Variants in SLC35F4 observed in about 807,000 individuals in gnomAD.
SLC35F4 encodes the protein chromosome 14 open reading frame 36.
A neutral mutation model predicts 44.2 loss-of-function variants in SLC35F4; 24 were observed. The observed-to-expected ratio is 0.54, with a 90% confidence interval of 0.39 to 0.76. The LOEUF (loss-of-function observed/expected upper bound fraction) is 0.76, where lower values mean the gene tolerates loss of function less well. Among genes scored for constraint, SLC35F4 ranks in the 30% least tolerant of loss-of-function variants. The pLI, the probability that SLC35F4 is intolerant of heterozygous loss-of-function variation, is 0.00. For missense variants in SLC35F4, 562 were observed against 586.1 expected (o/e 0.96, Z 0.42); for synonymous variants, 238 against 223.6 (o/e 1.06, Z -0.57).
chr14:57,732,736 CTTA>C lies in SLC35F4; in HGVS notation c.103+132984_103+132986del, dbSNP rs1594909791. ...GAGTTATGGGAATGCAATAAGAAAT[CTTA>C]TTATAGTTGGAAGGAAGATCTATCC... On this transcript the variant is annotated intron_variant, in intron 1 of 7. Transcript: ENST00000556826. Among the ~76,000 whole-genome samples, 7 of 152,210 alleles carry C rather than the reference CTTA, an allele frequency of 4.6e-5. No homozygotes were observed. In the East Asian group the frequency reaches 1.4e-3, roughly 29 times the overall value.
At position 57,579,709 on chromosome 14, in the gene SLC35F4, A is replaced by G. The variant is rs567732403; in HGVS notation, c.807+1505T>C. Among the ~76,000 whole-genome samples the G allele has an allele frequency of 8.5e-5, 13 of 152,288 alleles. No homozygotes were observed. In the East Asian group the frequency reaches 2.3e-3, roughly 27 times the overall value. On this transcript the variant is annotated intron_variant, in intron 4 of 7. Transcript: ENST00000556826. ...TTACTATATCCTCAAATATCAATCG[A>G]ACCCCCACTTCGTGCCCTGTAATAT... is the stretch of plus-strand genomic sequence containing the variant.
intron 1 of SLC35F4, among the ~76,000 whole-genome samples, chr14:57,798,498 C>G (rs565435521): frequency 6.6e-6 from 1 of 152,170 alleles, no homozygotes; most frequent in African/African-American, 2.4e-5. Flanking sequence ...AAAATCTAAA[C>G]AATTCTGAAA....
At chr14:57,567,935 TGTG>T (rs1459067739) in intron 6 of SLC35F4, among the ~76,000 whole-genome samples, 5 of 152,198 alleles carry the variant, frequency 3.3e-5, no homozygotes, top group Non-Finnish European at 5.9e-5. Context: ...CTACAGGAGA[TGTG>T]GGGTAGTTCA....
chr14:57,607,554 C>T (rs1745694), intron 1 of SLC35F4, among the ~76,000 whole-genome samples: 104,422 of 152,072 alleles, frequency 0.69, 36,509 homozygotes, highest in Non-Finnish European at 0.75. Flanking sequence ...GAAGCCTCTT[C>T]CTCACTTACC....
At chr14:57,979,614 C>T (rs1044257681) in intron 1 of SLC35F4, among the ~76,000 whole-genome samples, 17 of 152,138 alleles carry the variant, frequency 1.1e-4, no homozygotes, top group South Asian at 4.1e-4. Flanking sequence ...GAACTTAATG[C>T]CCACGTAGCT....
chr14:57,727,516 A>T (rs143506072), intron 1 of SLC35F4, among the ~76,000 whole-genome samples: 2,010 of 150,600 alleles, frequency 0.013, 24 homozygotes, highest in South Asian at 0.059. Flanking sequence ...CTTTTTTAAC[A>T]TAGGCACTTA....
At chr14:57,953,368 C>A (rs1231667994) in intron 1 of SLC35F4, among the ~76,000 whole-genome samples, 2 of 152,158 alleles carry the variant, frequency 1.3e-5, no homozygotes, top group African/African-American at 4.8e-5. Context: ...GAAGAAACTG[C>A]ATCAACTAAT....
In SLC35F4 at chr14:57,958,059, A is replaced by ATT. The variant is rs528357443; in HGVS notation, n.282+23852_282+23853dup. ...CAGTATAACATATTAATTAGATGAA[A>ATT]TTTTTTTTTTTTTTGAGATGGAGTC... On this transcript the variant is annotated intron_variant and non_coding_transcript_variant, in intron 1 of 1. Coordinates refer to the SLC35F4 transcript ENST00000556568. 7.7e-4 allele frequency among the ~76,000 whole-genome samples: 113 copies of ATT among 146,028 alleles called. No homozygotes were observed. In the East Asian group the frequency reaches 9.4e-3, roughly 12 times the overall value.
chr14:57,759,980 C>A (rs905635753), intron 1 of SLC35F4, among the ~76,000 whole-genome samples: 5 of 146,416 alleles, frequency 3.4e-5, no homozygotes, highest in African/African-American at 1.3e-4. Context: ...CAGTTCTTTT[C>A]ATTTCTTTTT....
At chr14:57,842,805 G>A (rs1885613478) in intron 1 of SLC35F4, among the ~76,000 whole-genome samples, 1 of 152,192 alleles carries the variant, frequency 6.6e-6, no homozygotes, top group South Asian at 2.1e-4. Flanking sequence ...GTGTCTGTGA[G>A]GGTGTTGCCA....
chr14:57,611,607 A>G lies in SLC35F4; in HGVS notation c.104-17483T>C, dbSNP rs148744580. On this transcript the variant is annotated intron_variant, in intron 1 of 7. Coordinates refer to ENST00000556826, the MANE Select transcript of SLC35F4 (RefSeq NM_001306087.2). ...AGTTAAAAAAAAAAAAACAAAAAAA[A>G]GAGTTACCATTTAATCACTTCTACG... Among the ~76,000 whole-genome samples the G allele has an allele frequency of 9.2e-5, 14 of 152,264 alleles. No individual in the cohort carries two copies. The East Asian group carries it at 2.5e-3, about 27-fold the overall frequency.
chr14:57,565,777 A>C lies in SLC35F4; in HGVS notation c.1216+698T>G, dbSNP rs2068175756. Among the ~76,000 whole-genome samples the C allele has an allele frequency of 2.0e-5, 3 of 152,092 alleles. No individual in the cohort carries two copies. In the South Asian group the frequency reaches 6.2e-4, roughly 32 times the overall value. On this transcript the variant is annotated intron_variant, in intron 7 of 7. Coordinates refer to ENST00000556826, the MANE Select transcript of SLC35F4 (RefSeq NM_001306087.2). The stretch of plus-strand genomic sequence containing the variant: ...AAGCATTTTAAGAGAATAATAATGT[A>C]TTTTTTTCTTTTTTGCTGCCCTGAT...
intron 1 of SLC35F4, among the ~76,000 whole-genome samples, chr14:57,835,349 T>C (rs1483293742): frequency 2.6e-5 from 4 of 152,116 alleles, no homozygotes; most frequent in South Asian, 4.1e-4. Context: ...TTCTCAACAA[T>C]TGGAAGTCAG....
At chr14:57,601,062 C>A (rs1021068533) in intron 1 of SLC35F4, among the ~76,000 whole-genome samples, 3 of 152,054 alleles carry the variant, frequency 2.0e-5, no homozygotes, top group Non-Finnish European at 4.4e-5. Context: ...ATTACTCACT[C>A]CTTATAGTTC....
chr14:57,748,624 C>G (rs1270975833), intron 1 of SLC35F4, among the ~76,000 whole-genome samples: 2 of 152,098 alleles, frequency 1.3e-5, no homozygotes, highest in African/African-American at 2.4e-5. Context: ...GTTTTGAGAA[C>G]CTTTGTCTTA....
At chr14:57,949,114 T>C (rs1184441749) in intron 1 of SLC35F4, among the ~76,000 whole-genome samples, 2 of 152,192 alleles carry the variant, frequency 1.3e-5, no homozygotes, top group African/African-American at 4.8e-5. Context: ...TGTCTAGTGC[T>C]GTCAATGAGA....
chr14:57,617,834 C>A (rs1157088170), intron 1 of SLC35F4, among the ~76,000 whole-genome samples: 1 of 152,206 alleles, frequency 6.6e-6, no homozygotes, highest in Non-Finnish European at 1.5e-5. Flanking sequence ...CTGGGACTTA[C>A]TGAATGCCAT....
At chr14:57,664,540 C>T (rs2074244349) in intron 1 of SLC35F4, among the ~76,000 whole-genome samples, 1 of 152,138 alleles carries the variant, frequency 6.6e-6, no homozygotes, top group Admixed American at 6.5e-5. Flanking sequence ...TCCCAAGTAG[C>T]TAGGACTACA....
At chr14:57,799,604 G>A (rs2078139395) in intron 1 of SLC35F4, 1 of 152,756 alleles carries the variant, frequency 6.5e-6, no homozygotes, top group Non-Finnish European at 1.5e-5. Flanking sequence ...TGAGACCGGC[G>A]GAGCTCCTGG....
Sources: allele counts gnomAD v4.1 joint callset (sites outside exome capture counted in the v4.1 genomes callset), GRCh38; gene constraint gnomAD v4.1.1; transcripts MANE v1.5; gene names NCBI Gene and HGNC (gene_info 2026-07-23, HGNC 2026-07-21).